The following CACNA1C variants were observed in gnomAD, a reference collection of about 807,000 sequenced individuals.
CACNA1C encodes the protein voltage-dependent L-type calcium channel subunit alpha-1C.
In CACNA1C, 30 loss-of-function variants were observed where a neutral mutation model predicts 229.0. That is an observed-to-expected ratio of 0.13 (90% CI 0.10 to 0.18). The LOEUF (loss-of-function observed/expected upper bound fraction) is 0.18, where lower values mean the gene tolerates loss of function less well. CACNA1C is among the 10% of genes least tolerant of loss of function. CACNA1C has a pLI of 1.00. For missense variants in CACNA1C, 1,658 were observed against 2,845.0 expected, an observed-to-expected ratio of 0.58 and a Z score of 9.49; for synonymous variants, 1,114 against 1,132.5, an observed-to-expected ratio of 0.98 and a Z score of 0.33.
Position 2,152,304 on chromosome 12 carries a change from T to C in CACNA1C, c.477+31874T>C, listed in dbSNP as rs778405808. Among the ~76,000 whole-genome samples the C allele has an allele frequency of 1.3e-5, 2 of 152,250 alleles. No individual in the cohort carries two copies. Among genetic ancestry groups the C allele is most frequent in the Admixed American group, 6.5e-5 (1 of 15,286 alleles). On this transcript the variant is annotated intron_variant, in intron 3 of 46. Coordinates refer to ENST00000399655, the MANE Select transcript of CACNA1C (RefSeq NM_000719.7). This position sits in a 1 kb window ranked among gnomAD's most constrained non-coding sequence, Gnocchi z 4.2. ...TGCTTAGAATGAAGAACTACAGTTC[T>C]CATCCTCCCTTGTGGCTAAGTGAGG...
At chr12:1,990,409 G>A (rs1296490453) in intron 1 of CACNA1C, among the ~76,000 whole-genome samples, 1 of 152,136 alleles carries the variant, frequency 6.6e-6, no homozygotes, top group African/African-American at 2.4e-5. Flanking sequence ...CTGTAATAAA[G>A]TAATCTATTT....
chr12:2,412,071 C>T (rs1003636722), intron 3 of CACNA1C, among the ~76,000 whole-genome samples: 1 of 152,140 alleles, frequency 6.6e-6, no homozygotes, highest in Non-Finnish European at 1.5e-5. Flanking sequence ...CCCAAGCCCC[C>T]CCCATGCCCA....
intron 3 of CACNA1C, chr12:2,288,925 G>A (rs2093102882): frequency 6.6e-6 from 1 of 152,212 alleles, no homozygotes; most frequent in African/African-American, 2.4e-5. Context: ...TTAAAAGTCT[G>A]TTCTCCAACT....
chr12:2,311,674 C>T (rs536122927), intron 3 of CACNA1C, among the ~76,000 whole-genome samples: 2 of 152,314 alleles, frequency 1.3e-5, no homozygotes, highest in African/African-American at 4.8e-5. Flanking sequence ...GCCAGAAATA[C>T]AAGTGTGCCC....
chr12:2,002,033 G>A (rs900621462), intron 1 of CACNA1C, among the ~76,000 whole-genome samples: 1 of 152,214 alleles, frequency 6.6e-6, no homozygotes, highest in Non-Finnish European at 1.5e-5. Flanking sequence ...CCTGGCAACA[G>A]GGAGTAGGTC....
At chr12:2,349,050 G>A (rs77207993) in intron 3 of CACNA1C, among the ~76,000 whole-genome samples, 10 of 152,204 alleles carry the variant, frequency 6.6e-5, no homozygotes, top group Non-Finnish European at 1.3e-4. Context: ...AGAAAAGACT[G>A]TGGGTTATCT....
chr12:2,167,557 G>A (rs2096289618), intron 3 of CACNA1C, among the ~76,000 whole-genome samples: 2 of 152,176 alleles, frequency 1.3e-5, no homozygotes, highest in African/African-American at 4.8e-5. Flanking sequence ...CCTCCATGGG[G>A]GGCAGAAGCT....
chr12:2,681,390 CAG>C (rs2097138811), intron 42 of CACNA1C, among the ~76,000 whole-genome samples: 2 of 152,238 alleles, frequency 1.3e-5, no homozygotes, highest in East Asian at 1.9e-4. Flanking sequence ...AAACAACACA[CAG>C]GGCATCAAGC....
chr12:1,981,760 A>G (rs2036201394), intron 1 of CACNA1C, among the ~76,000 whole-genome samples: 1 of 152,238 alleles, frequency 6.6e-6, no homozygotes, highest in African/African-American at 2.4e-5. Flanking sequence ...TCACAGCTAC[A>G]CAGGGGACTC....
At chr12:2,211,586 G>C (rs1233904848) in intron 3 of CACNA1C, among the ~76,000 whole-genome samples, 1 of 152,198 alleles carries the variant, frequency 6.6e-6, no homozygotes, top group Non-Finnish European at 1.5e-5. Context: ...TCTTCTAAGA[G>C]TGTAAAGTCA....
chr12:2,373,165 A>G (rs954853501), intron 3 of CACNA1C, among the ~76,000 whole-genome samples: 1 of 152,124 alleles, frequency 6.6e-6, no homozygotes, highest in African/African-American at 2.4e-5. Context: ...CCAACCCTTC[A>G]TTTGAGTGCC....
intron 3 of CACNA1C, 52 bp from the exon 4 acceptor site, chr12:2,448,924 A>C (rs1308658699): frequency 1.1e-5 from 17 of 1,515,412 alleles, no homozygotes; most frequent in Non-Finnish European, 1.4e-5. Context: ...AAACTTTCCA[A>C]ATCCCCAAAC....
At chr12:2,450,553 CAA>C (rs796416420) in intron 4 of CACNA1C, among the ~76,000 whole-genome samples, 11 of 39,012 alleles carry the variant, frequency 2.8e-4, no homozygotes, top group African/African-American at 8.4e-4. Flanking sequence ...GACTCCATCT[CAA>C]AAAAAAAAAA....
At chr12:2,078,981 G>A (rs1183043176) in intron 1 of CACNA1C, among the ~76,000 whole-genome samples, 2 of 152,006 alleles carry the variant, frequency 1.3e-5, no homozygotes, top group Non-Finnish European at 2.9e-5. Flanking sequence ...CCTTTGTAGG[G>A]ACATGGATGA....
In CACNA1C at chr12:2,486,022, G is replaced by C; in HGVS notation, c.758-82G>C. 8.6e-7 allele frequency: 1 copy of C among 1,162,864 alleles called. No homozygotes were observed. The highest frequency in any genetic ancestry group is 1.5e-5 in the African/African-American group (1 of 64,632). 72.0% of individuals were successfully genotyped at this position (1,162,864 alleles called of 1,614,324 possible). A position where few individuals can be genotyped will look rare whatever the true frequency, so the allele number is the denominator to read the frequency against. On this transcript the variant is annotated intron_variant, in intron 5 of 46. Transcript: ENST00000399655. This position sits in a 1 kb window ranked among gnomAD's most constrained non-coding sequence, Gnocchi z 4.9. The stretch of plus-strand genomic sequence containing the variant: ...CAGGGCTGGCAGTTCCTTCCTTGCA[G>C]AGTTGCTGGAAGATTGCATGAGATG...
At chr12:2,593,465 G>C in intron 19 of CACNA1C, 120 bp downstream of exon 19, 1 of 947,122 alleles carries the variant, frequency 1.1e-6, no homozygotes, top group Admixed American at 2.7e-5. Flanking sequence ...CTTGCAAATT[G>C]TATAAACAGG....
chr12:2,565,536 T>A (rs2050350958), intron 11 of CACNA1C, among the ~76,000 whole-genome samples: 1 of 151,480 alleles, frequency 6.6e-6, no homozygotes, highest in African/African-American at 2.4e-5. Context: ...TGGTTTGGTG[T>A]TGGGGCTTGC....
Position 1,985,722 on chromosome 12 carries a change from A to T in CACNA1C, c.139+14521A>T, listed in dbSNP as rs1229003268. Among the ~76,000 whole-genome samples, 4 of 152,342 alleles carry T rather than the reference A, an allele frequency of 2.6e-5. No individual in the cohort carries two copies. In the East Asian group the frequency reaches 7.7e-4, roughly 29 times the overall value. ...ACCCTCCAGAGAATGTTCACTTTGT[A>T]TATTTGAGAAAGCAATCAATTCAGT... On this transcript the variant is annotated intron_variant, in intron 1 of 46. Transcript: ENST00000682462.
chr12:2,194,211 T>A (rs1369549824), intron 3 of CACNA1C, among the ~76,000 whole-genome samples: 3 of 138,064 alleles, frequency 2.2e-5, no homozygotes, highest in Non-Finnish European at 4.7e-5. Flanking sequence ...CCCCCTGTGT[T>A]CCTCCTCCTC....
Sources: allele counts gnomAD v4.1 joint callset (sites outside exome capture counted in the v4.1 genomes callset), GRCh38; gene constraint gnomAD v4.1.1; non-coding constraint Gnocchi (gnomAD v3.1); transcripts MANE v1.5; gene names NCBI Gene and HGNC (gene_info 2026-07-23, HGNC 2026-07-21).